HPSE2: variants seen among roughly 807,000 people sequenced by gnomAD.
HPSE2 encodes heparanase 2 (inactive), also known as inactive heparanase-2.
HPSE2 carries 38 observed loss-of-function variants against 60.5 expected under a neutral mutation model. The ratio of observed to expected loss-of-function variants is 0.63; its 90% confidence interval spans 0.48 to 0.82. HPSE2 has a LOEUF of 0.82. HPSE2 is among the 40% of genes least tolerant of loss of function. The pLI is 0.00. For missense variants in HPSE2, 713 were observed against 740.4 expected, an observed-to-expected ratio of 0.96 and a Z score of 0.43; for synonymous variants, 295 against 293.2, an observed-to-expected ratio of 1.01 and a Z score of -0.06.
intron 4 of HPSE2, among the ~76,000 whole-genome samples, chr10:98,723,075 C>CT (rs1948970362): frequency 1.3e-5 from 2 of 152,142 alleles, no homozygotes; most frequent in Admixed American, 6.5e-5. Context: ...AGTCTTTGCC[C>CT]ATTCAGTATG....
chr10:98,963,224 A>C (rs539768312), intron 3 of HPSE2, among the ~76,000 whole-genome samples: 1 of 152,220 alleles, frequency 6.6e-6, no homozygotes, highest in Non-Finnish European at 1.5e-5. Flanking sequence ...AAGACATATT[A>C]TAACTCTTTG....
chr10:98,517,128 A>G (rs17537531), intron 9 of HPSE2, among the ~76,000 whole-genome samples: 7,536 of 137,072 alleles, frequency 0.055, 251 homozygotes, highest in South Asian at 0.15. Context: ...AGATCCTAAG[A>G]CCCAGAGCAG....
At chr10:99,246,699 A>T in the HPSE2 span, among the ~76,000 whole-genome samples, 14 of 151,680 alleles carry the variant, frequency 9.2e-5, no homozygotes, top group Admixed American at 9.2e-4. Flanking sequence ...GTGAGCCGAG[A>T]TCACACCACT....
intron 3 of HPSE2, among the ~76,000 whole-genome samples, chr10:98,938,353 C>A (rs1589394689): frequency 7.0e-6 from 1 of 143,150 alleles, no homozygotes. Context: ...AAAATTTAGA[C>A]AAATGTATAA....
At chr10:98,843,035 A>AT (rs1401074787) in intron 3 of HPSE2, among the ~76,000 whole-genome samples, 1 of 151,738 alleles carries the variant, frequency 6.6e-6, no homozygotes, top group Non-Finnish European at 1.5e-5. Flanking sequence ...CTCACTTCTT[A>AT]TTTTTTTAAT....
At chr10:98,463,946 G>A (rs777857491) in intron 11 of HPSE2, among the ~76,000 whole-genome samples, 2 of 151,752 alleles carry the variant, frequency 1.3e-5, no homozygotes, top group Non-Finnish European at 1.5e-5. Flanking sequence ...GTGAAACCCT[G>A]TCTCTACTAA....
chr10:99,186,104 C>CCACACACACACACA (rs527839752), intron 2 of HPSE2, among the ~76,000 whole-genome samples: 875 of 80,688 alleles, frequency 0.011, 12 homozygotes, highest in Non-Finnish European at 0.019. Context: ...GGATAAATAA[C>CCACACACACACACA]CACACACACA....
intron 9 of HPSE2, among the ~76,000 whole-genome samples, chr10:98,543,471 C>T (rs1443053365): frequency 6.6e-6 from 1 of 151,958 alleles, no homozygotes; most frequent in Admixed American, 6.6e-5. Context: ...CAAATTCACA[C>T]ATAACAATAT....
At chr10:98,630,275 G>A (rs1392127928) in intron 7 of HPSE2, among the ~76,000 whole-genome samples, 2 of 147,868 alleles carry the variant, frequency 1.4e-5, no homozygotes, top group Admixed American at 6.9e-5. Context: ...TTGGCTCACT[G>A]CAAGCTCCGC....
chr10:99,271,167 A>T, the HPSE2 span, among the ~76,000 whole-genome samples: 1 of 152,212 alleles, frequency 6.6e-6, no homozygotes, highest in Non-Finnish European at 1.5e-5. Flanking sequence ...AATAAAGGAC[A>T]TCCAAATCAG....
intron 9 of HPSE2, among the ~76,000 whole-genome samples, chr10:98,561,569 C>T (rs1944183783): frequency 6.6e-6 from 1 of 152,084 alleles, no homozygotes; most frequent in Non-Finnish European, 1.5e-5. Context: ...AAACTTTGGC[C>T]AGGTGCAGTG....
intron 3 of HPSE2, among the ~76,000 whole-genome samples, chr10:99,038,833 C>G (rs1957669766): frequency 6.6e-6 from 1 of 152,026 alleles, no homozygotes; most frequent in South Asian, 2.1e-4. Flanking sequence ...TTTTGAATAT[C>G]ATTATATAAG....
At chr10:98,617,714 A>C (rs974749951) in intron 8 of HPSE2, among the ~76,000 whole-genome samples, 1 of 152,184 alleles carries the variant, frequency 6.6e-6, no homozygotes, top group East Asian at 1.9e-4. Context: ...TGACTGGTAT[A>C]TCTAACCAAA....
At chr10:99,023,013 C>G (rs574297168) in intron 3 of HPSE2, among the ~76,000 whole-genome samples, 1 of 152,266 alleles carries the variant, frequency 6.6e-6, no homozygotes, top group Non-Finnish European at 1.5e-5. Flanking sequence ...GGTACCAGCA[C>G]AACCACAGTG....
intron 6 of HPSE2, among the ~76,000 whole-genome samples, chr10:98,651,311 GA>G (rs1293743688): frequency 6.6e-6 from 1 of 152,160 alleles, no homozygotes; most frequent in Non-Finnish European, 1.5e-5. Context: ...GATTGAGAGG[GA>G]GAGACAGTCA....
chr10:98,698,498 G>C (rs1407399724), intron 5 of HPSE2, among the ~76,000 whole-genome samples: 1 of 151,970 alleles, frequency 6.6e-6, no homozygotes, highest in Admixed American at 6.6e-5. Context: ...GCAGTGTGAA[G>C]AGGGAAATTT....
chr10:99,242,803 A>G, the HPSE2 span, among the ~76,000 whole-genome samples: 14 of 152,320 alleles, frequency 9.2e-5, no homozygotes, highest in East Asian at 2.5e-3. Context: ...TAAAACAGGC[A>G]TAAGATTACT....
chr10:98,534,514 C>A (rs1338797896), intron 9 of HPSE2, among the ~76,000 whole-genome samples: 1 of 152,100 alleles, frequency 6.6e-6, no homozygotes, highest in Non-Finnish European at 1.5e-5. Context: ...AAGCGATTCT[C>A]CAGCCTCAGC....
intron 9 of HPSE2, among the ~76,000 whole-genome samples, chr10:98,584,814 A>G (rs1944895676): frequency 6.6e-6 from 1 of 152,164 alleles, no homozygotes; most frequent in South Asian, 2.1e-4. Context: ...TATTCTGGGA[A>G]AGCTAAGATT....
Sources: allele counts gnomAD v4.1 joint callset (sites outside exome capture counted in the v4.1 genomes callset), GRCh38; gene constraint gnomAD v4.1.1; transcripts MANE v1.5; gene names NCBI Gene and HGNC (gene_info 2026-07-23, HGNC 2026-07-21).